Variants in MYO16 observed in about 807,000 individuals in gnomAD.
MYO16 encodes myosin XVI, also known as unconventional myosin-XVI.
Under a neutral mutation model 205.3 loss-of-function variants are expected in MYO16, and 94 were observed. That is an observed-to-expected ratio of 0.46 (90% CI 0.39 to 0.54). The LOEUF is 0.54. MYO16 is among the 20% of genes least tolerant of loss of function. The pLI is 0.00. For synonymous variants in MYO16, 988 were observed against 954.0 expected (o/e 1.04, Z -0.66); for missense variants, 2,315 against 2,387.5 (o/e 0.97, Z 0.63).
At chr13:108,732,651 T>C (rs958766132) in intron 4 of MYO16, among the ~76,000 whole-genome samples, 5 of 152,148 alleles carry the variant, frequency 3.3e-5, no homozygotes, top group African/African-American at 9.7e-5. Context: ...GAATCTGCTT[T>C]CAACTAGGTG....
At chr13:108,949,066 T>G (rs1289535508) in intron 16 of MYO16, among the ~76,000 whole-genome samples, 1 of 152,220 alleles carries the variant, frequency 6.6e-6, no homozygotes, top group Non-Finnish European at 1.5e-5. Flanking sequence ...TTCAATAAAT[T>G]TAACTTGTAA....
At chr13:108,755,820 C>T (rs1227338107) in intron 4 of MYO16, among the ~76,000 whole-genome samples, 1 of 152,122 alleles carries the variant, frequency 6.6e-6, no homozygotes, top group African/African-American at 2.4e-5. Context: ...CAGCAGTGAA[C>T]TCTAGATGTT....
intron 1 of MYO16, among the ~76,000 whole-genome samples, chr13:108,597,569 A>C (rs1180100135): frequency 2.0e-5 from 3 of 152,154 alleles, no homozygotes; most frequent in Non-Finnish European, 4.4e-5. Flanking sequence ...GTAACTTCAA[A>C]AACCCTTAAG....
At chr13:108,925,361 A>C (rs1881948959) in intron 16 of MYO16, among the ~76,000 whole-genome samples, 1 of 152,188 alleles carries the variant, frequency 6.6e-6, no homozygotes. Flanking sequence ...AGCACATTGC[A>C]GGCTCTCTCT....
intron 33 of MYO16, among the ~76,000 whole-genome samples, chr13:109,178,939 G>A (rs901208655): frequency 6.6e-6 from 1 of 152,206 alleles, no homozygotes; most frequent in Non-Finnish European, 1.5e-5. Context: ...GACATGTAAA[G>A]TTTCATAAAC....
At chr13:108,793,936 C>T (rs764804892) in intron 6 of MYO16, among the ~76,000 whole-genome samples, 19 of 152,144 alleles carry the variant, frequency 1.2e-4, no homozygotes, top group Admixed American at 6.5e-5. Flanking sequence ...ACCTAGATGT[C>T]CGTCAAGGTG....
chr13:108,614,293 A>G (rs923885237), intron 1 of MYO16, among the ~76,000 whole-genome samples: 1 of 152,112 alleles, frequency 6.6e-6, no homozygotes, highest in Non-Finnish European at 1.5e-5. Context: ...TTGTACATTT[A>G]AAACTATGAA....
intron 1 of MYO16, among the ~76,000 whole-genome samples, chr13:108,637,796 A>C (rs987474275): frequency 6.6e-6 from 1 of 151,976 alleles, no homozygotes; most frequent in Non-Finnish European, 1.5e-5. Context: ...AATCGCTTGA[A>C]CCCAGGAGGT....
At chr13:108,712,813 G>A in intron 3 of MYO16, 82 bp downstream of exon 3, 2 of 1,023,158 alleles carry the variant, frequency 2.0e-6, no homozygotes, top group Non-Finnish European at 2.9e-6. Context: ...GGAACGAAAT[G>A]TACATCTCAC....
chr13:108,811,147 T>G (rs191553565), intron 7 of MYO16, among the ~76,000 whole-genome samples: 1 of 152,306 alleles, frequency 6.6e-6, no homozygotes, highest in East Asian at 1.9e-4. Flanking sequence ...AATCTAAGTA[T>G]TTTTGTTTCC....
the MYO16 span, among the ~76,000 whole-genome samples, chr13:108,569,231 C>T: frequency 9.9e-5 from 15 of 152,152 alleles, no homozygotes; most frequent in Middle Eastern, 0.014. Flanking sequence ...GTTTGTATTA[C>T]GTTTGTAAAT....
chr13:109,108,805 G>A (rs1375484530), intron 28 of MYO16, among the ~76,000 whole-genome samples: 1 of 152,152 alleles, frequency 6.6e-6, no homozygotes, highest in East Asian at 1.9e-4. Context: ...AAGGAGCTGG[G>A]GACGTGCTGA....
At chr13:108,509,461 G>A in the MYO16 span, among the ~76,000 whole-genome samples, 6 of 152,088 alleles carry the variant, frequency 3.9e-5, no homozygotes, top group South Asian at 2.1e-4. Flanking sequence ...GTTGACTGTC[G>A]GATTGTGTAT....
chr13:108,679,540 CG>C (rs1882370433), intron 2 of MYO16, among the ~76,000 whole-genome samples: 1 of 151,874 alleles, frequency 6.6e-6, no homozygotes, highest in South Asian at 2.1e-4. Flanking sequence ...CTTTATTATA[CG>C]GGGACCCTCA....
At chr13:109,018,250 G>A (rs1381944565) in intron 22 of MYO16, among the ~76,000 whole-genome samples, 5 of 152,212 alleles carry the variant, frequency 3.3e-5, no homozygotes, top group Admixed American at 3.3e-4. Context: ...GTTGGAGTTT[G>A]TTGGAGGTCC....
intron 27 of MYO16, among the ~76,000 whole-genome samples, chr13:109,065,428 C>T (rs557818141): frequency 4.0e-5 from 6 of 151,318 alleles, no homozygotes; most frequent in East Asian, 3.9e-4. Context: ...CATCTCTCCC[C>T]GATATGTATA....
chr13:108,895,287 T>A (rs1880360516), intron 14 of MYO16, among the ~76,000 whole-genome samples: 2 of 152,212 alleles, frequency 1.3e-5, no homozygotes, highest in Admixed American at 1.3e-4. Flanking sequence ...TTTATATTTT[T>A]ATTTAAATTT....
At chr13:109,068,779 A>G (rs1594055433) in intron 27 of MYO16, among the ~76,000 whole-genome samples, 1 of 151,962 alleles carries the variant, frequency 6.6e-6, no homozygotes, top group African/African-American at 2.4e-5. Context: ...TTAGTAGAGA[A>G]GGGGTTTCAC....
chr13:108,652,156 C>CGT (rs776732194), intron 1 of MYO16, among the ~76,000 whole-genome samples: 4 of 150,600 alleles, frequency 2.7e-5, no homozygotes, highest in Non-Finnish European at 1.5e-5. Context: ...TGTGTGTGTG[C>CGT]GCGCGCGCGC....
Sources: allele counts gnomAD v4.1 joint callset (sites outside exome capture counted in the v4.1 genomes callset), GRCh38; gene constraint gnomAD v4.1.1; transcripts MANE v1.5; gene names NCBI Gene and HGNC (gene_info 2026-07-23, HGNC 2026-07-21).